ACTR3C: variants seen among roughly 807,000 people sequenced by gnomAD.
The protein encoded by ACTR3C is actin related protein 3C, also known as actin-related protein 3C.
Under a neutral mutation model 26.3 loss-of-function variants are expected in ACTR3C, and 18 were observed. The observed-to-expected ratio is 0.68, with a 90% CI of 0.47 to 1.01. The LOEUF is 1.01. Ranked by LOEUF, ACTR3C falls within the 50% of genes least tolerant of loss-of-function variation. The probability of loss-of-function intolerance (pLI) is 0.00; values close to 1 mark genes in which losing one functional copy is unlikely to be tolerated. For synonymous variants in ACTR3C, 55 were observed against 94.5 expected, an observed-to-expected ratio of 0.58 and a Z score of 2.42; for missense variants, 184 against 250.7, an observed-to-expected ratio of 0.73 and a Z score of 1.80.
the ACTR3C span, among the ~76,000 whole-genome samples, chr7:150,102,950 T>C: frequency 6.6e-6 from 1 of 152,032 alleles, no homozygotes; most frequent in Non-Finnish European, 1.5e-5. Context: ...CTTTTTGTTG[T>C]TGGATGTTTG....
At chr7:150,091,209 G>C in the ACTR3C span, among the ~76,000 whole-genome samples, 1 of 135,340 alleles carries the variant, frequency 7.4e-6, no homozygotes, top group East Asian at 2.3e-4. Context: ...ATGGGGTCTG[G>C]AAACCCGCTG....
chr7:150,039,083 A>C, the ACTR3C span, among the ~76,000 whole-genome samples: 29 of 142,934 alleles, frequency 2.0e-4, no homozygotes, highest in East Asian at 8.8e-4. Context: ...TACTTGGACT[A>C]CTAACACCCA....
the ACTR3C span, among the ~76,000 whole-genome samples, chr7:150,237,252 C>T: frequency 2.0e-5 from 3 of 152,208 alleles, no homozygotes; most frequent in Non-Finnish European, 4.4e-5. Context: ...CTGCCCATAT[C>T]CTCTTGGCAC....
At chr7:150,271,063 G>A (rs1834412289) in intron 6 of ACTR3C, among the ~76,000 whole-genome samples, 1 of 148,140 alleles carries the variant, frequency 6.8e-6, no homozygotes, top group African/African-American at 2.6e-5. Context: ...GCAGTGAGGT[G>A]GAACCCTGCC....
the ACTR3C span, among the ~76,000 whole-genome samples, chr7:149,943,511 G>A: frequency 4.6e-5 from 7 of 151,270 alleles, no homozygotes; most frequent in Admixed American, 4.6e-4. Context: ...CAGATCGCCT[G>A]AGATCAGGAG....
At chr7:150,002,024 C>T in the ACTR3C span, 2 of 152,298 alleles carry the variant, frequency 1.3e-5, no homozygotes, top group Non-Finnish European at 2.9e-5. Flanking sequence ...GGCTCACCAG[C>T]TGCACACGGC....
the ACTR3C span, among the ~76,000 whole-genome samples, chr7:149,968,369 T>C: frequency 1.3e-5 from 2 of 152,162 alleles, no homozygotes; most frequent in Admixed American, 6.5e-5. Context: ...CCGTCTCTAC[T>C]AAAAATACAA....
the ACTR3C span, among the ~76,000 whole-genome samples, chr7:149,992,627 A>C: frequency 6.6e-6 from 1 of 152,242 alleles, no homozygotes; most frequent in Non-Finnish European, 1.5e-5. Context: ...CTGCGATTCC[A>C]GAAAGGCAAG....
At chr7:150,298,251 C>G (rs116936001) in intron 1 of ACTR3C, among the ~76,000 whole-genome samples, 4,682 of 149,966 alleles carry the variant, frequency 0.031, 256 homozygotes, top group Middle Eastern at 0.073. Context: ...AAACATGAGT[C>G]CTTTTAATCA....
At chr7:150,024,362 C>T in the ACTR3C span, among the ~76,000 whole-genome samples, 2 of 152,092 alleles carry the variant, frequency 1.3e-5, no homozygotes, top group Non-Finnish European at 2.9e-5. Flanking sequence ...TCACAGTCGT[C>T]ATGTCTCACA....
chr7:150,200,653 G>T, the ACTR3C span, among the ~76,000 whole-genome samples: 1 of 152,208 alleles, frequency 6.6e-6, no homozygotes, highest in South Asian at 2.1e-4. Context: ...CAGCACAACT[G>T]CCTTGAAAAA....
the ACTR3C span, among the ~76,000 whole-genome samples, chr7:150,081,294 A>C: frequency 5.0e-4 from 75 of 150,702 alleles, no homozygotes; most frequent in Non-Finnish European, 7.2e-4. Flanking sequence ...AAAGAGAAGA[A>C]ATAGAAAGAG....
At chr7:150,163,568 T>C in the ACTR3C span, among the ~76,000 whole-genome samples, 287 of 152,054 alleles carry the variant, frequency 1.9e-3, 1 homozygote, top group African/African-American at 6.7e-3. Context: ...CATATATATA[T>C]GGAGATTTAT....
At chr7:150,281,213 G>A (rs1413515633) in intron 6 of ACTR3C, among the ~76,000 whole-genome samples, 1 of 152,006 alleles carries the variant, frequency 6.6e-6, no homozygotes, top group African/African-American at 2.4e-5. Flanking sequence ...ACACCCCTAA[G>A]ACACAGGAAT....
the ACTR3C span, among the ~76,000 whole-genome samples, chr7:150,110,545 T>TGAGGGTGGGGCTGG: frequency 1.7e-5 from 1 of 58,098 alleles, no homozygotes; most frequent in African/African-American, 7.2e-5. Flanking sequence ...TGGGGCTTAC[T>TGAGGGTGGGGCTGG]AAGAGATTCA....
chr7:150,119,552 C>T, the ACTR3C span, among the ~76,000 whole-genome samples: 2 of 152,292 alleles, frequency 1.3e-5, no homozygotes, highest in Admixed American at 1.3e-4. Context: ...AATATATATG[C>T]ACCCAATACA....
the ACTR3C span, among the ~76,000 whole-genome samples, chr7:149,911,780 T>C: frequency 6.6e-6 from 1 of 152,136 alleles, no homozygotes; most frequent in African/African-American, 2.4e-5. Context: ...TATACTATAC[T>C]GGTTAAGATC....
At chr7:150,154,273 G>A in the ACTR3C span, among the ~76,000 whole-genome samples, 713 of 152,036 alleles carry the variant, frequency 4.7e-3, 5 homozygotes, top group African/African-American at 0.017. Flanking sequence ...GGATTCCAGC[G>A]TTTTATACCC....
At chr7:150,304,473 C>T (rs1472733427) in intron 1 of ACTR3C, among the ~76,000 whole-genome samples, 1 of 152,152 alleles carries the variant, frequency 6.6e-6, no homozygotes, top group African/African-American at 2.4e-5. Flanking sequence ...TTTCCATCAA[C>T]TATCAACACG....
Sources: allele counts gnomAD v4.1 joint callset (sites outside exome capture counted in the v4.1 genomes callset), GRCh38; gene constraint gnomAD v4.1.1; transcripts MANE v1.5; gene names NCBI Gene and HGNC (gene_info 2026-07-23, HGNC 2026-07-21).